ERBB4: variants seen among roughly 807,000 people sequenced by gnomAD.
The protein encoded by ERBB4 is erb-b2 receptor tyrosine kinase 4, also known as receptor tyrosine-protein kinase erbB-4.
ERBB4 carries 42 observed loss-of-function variants against 158.0 expected under a neutral mutation model. The ratio of observed to expected loss-of-function variants is 0.27; its 90% CI spans 0.21 to 0.34. The LOEUF (loss-of-function observed/expected upper bound fraction) is 0.34, where lower values mean the gene tolerates loss of function less well. Ranked by LOEUF, ERBB4 falls within the 10% of genes least tolerant of loss-of-function variation. The pLI, the probability that ERBB4 is intolerant of heterozygous loss-of-function variation, is 1.00. For missense variants in ERBB4, 1,333 were observed against 1,624.1 expected, an observed-to-expected ratio of 0.82 and a Z score of 3.08; for synonymous variants, 583 against 558.7, an observed-to-expected ratio of 1.04 and a Z score of -0.61.
intron 20 of ERBB4, among the ~76,000 whole-genome samples, chr2:211,503,802 C>G (rs889311603): frequency 6.6e-6 from 1 of 152,066 alleles, no homozygotes; most frequent in African/African-American, 2.4e-5. Flanking sequence ...GAGGTGCTTC[C>G]TCCTCTGCCT....
intron 3 of ERBB4, among the ~76,000 whole-genome samples, chr2:211,822,896 G>C (rs988031231): frequency 2.6e-5 from 4 of 151,938 alleles, no homozygotes; most frequent in Non-Finnish European, 4.4e-5. Flanking sequence ...CCAGGGGAGT[G>C]GCAGAAATGA....
intron 1 of ERBB4, among the ~76,000 whole-genome samples, chr2:212,384,894 T>TAC (rs1204819470): frequency 2.0e-5 from 2 of 100,310 alleles, no homozygotes; most frequent in African/African-American, 7.3e-5. Context: ...TTGTGGAATA[T>TAC]ATATATATAT....
chr2:211,962,284 C>T (rs1255708586), intron 2 of ERBB4, among the ~76,000 whole-genome samples: 1 of 152,064 alleles, frequency 6.6e-6, no homozygotes, highest in Non-Finnish European at 1.5e-5. Flanking sequence ...AATCAGAAAC[C>T]AAACAATTTC....
chr2:212,323,307 G>A (rs565097231), intron 1 of ERBB4, among the ~76,000 whole-genome samples: 11 of 150,556 alleles, frequency 7.3e-5, no homozygotes, highest in East Asian at 3.9e-4. Context: ...TCTAAGCTCA[G>A]TTGCTTTTGA....
chr2:211,435,874 T>A (rs1290715862), intron 20 of ERBB4, among the ~76,000 whole-genome samples: 1 of 152,230 alleles, frequency 6.6e-6, no homozygotes, highest in African/African-American at 2.4e-5. Flanking sequence ...TCTACATTTT[T>A]AAGCCTATCT....
At chr2:211,971,978 C>G (rs1047999340) in intron 2 of ERBB4, among the ~76,000 whole-genome samples, 1 of 152,166 alleles carries the variant, frequency 6.6e-6, no homozygotes, top group Non-Finnish European at 1.5e-5. Context: ...CAAACTACCC[C>G]TGTTTGTGGA....
At chr2:211,678,617 C>A (rs1388076356) in intron 13 of ERBB4, among the ~76,000 whole-genome samples, 1 of 152,102 alleles carries the variant, frequency 6.6e-6, no homozygotes, top group Non-Finnish European at 1.5e-5. Context: ...CTTTATGCAA[C>A]AAGAGCTCTC....
chr2:212,111,481 C>A (rs1390550799), intron 2 of ERBB4, among the ~76,000 whole-genome samples: 1 of 152,170 alleles, frequency 6.6e-6, no homozygotes, highest in Non-Finnish European at 1.5e-5. Context: ...TAACATTTCA[C>A]AATTTTGTTG....
chr2:212,375,043 C>G (rs1399497822), intron 1 of ERBB4, among the ~76,000 whole-genome samples: 4 of 151,870 alleles, frequency 2.6e-5, no homozygotes, highest in Admixed American at 2.6e-4. Context: ...CAACATAAAC[C>G]TAACTATAGG....
intron 1 of ERBB4, among the ~76,000 whole-genome samples, chr2:212,473,212 A>AAATC (rs1689202585): frequency 1.3e-5 from 2 of 152,012 alleles, no homozygotes; most frequent in Admixed American, 1.3e-4. Context: ...TCTGTAGTTA[A>AAATC]AATCATTTCA....
chr2:212,066,802 A>G (rs902502115), intron 2 of ERBB4, among the ~76,000 whole-genome samples: 5 of 151,946 alleles, frequency 3.3e-5, no homozygotes, highest in African/African-American at 1.2e-4. Flanking sequence ...TTATGACTTT[A>G]AGGAGATTCA....
At chr2:212,375,543 A>G (rs2090290312) in intron 1 of ERBB4, among the ~76,000 whole-genome samples, 1 of 152,128 alleles carries the variant, frequency 6.6e-6, no homozygotes, top group Non-Finnish European at 1.5e-5. Flanking sequence ...CATATCTGAG[A>G]GTGTAAATGT....
intron 1 of ERBB4, among the ~76,000 whole-genome samples, chr2:212,385,216 C>T (rs2106422470): frequency 6.6e-6 from 1 of 151,760 alleles, no homozygotes; most frequent in South Asian, 2.1e-4. Context: ...AGATTTACTT[C>T]AGCATGTTGA....
At chr2:211,741,612 T>G (rs916552500) in intron 5 of ERBB4, among the ~76,000 whole-genome samples, 1 of 152,072 alleles carries the variant, frequency 6.6e-6, no homozygotes, top group Non-Finnish European at 1.5e-5. Flanking sequence ...TAATATTCTT[T>G]TTGATCATTT....
intron 9 of ERBB4, among the ~76,000 whole-genome samples, chr2:211,711,769 T>C (rs111412273): frequency 1.5e-3 from 228 of 152,308 alleles, no homozygotes; most frequent in African/African-American, 5.2e-3. Context: ...AAGTCAAGCT[T>C]GCTGAAAACT....
At chr2:211,938,649 T>C (rs2125115285) in intron 3 of ERBB4, among the ~76,000 whole-genome samples, 1 of 152,188 alleles carries the variant, frequency 6.6e-6, no homozygotes, top group East Asian at 1.9e-4. Flanking sequence ...CAGTGCAGCT[T>C]TTGAGAAGAA....
At chr2:211,966,197 GA>G (rs1323010448) in intron 2 of ERBB4, among the ~76,000 whole-genome samples, 1 of 152,166 alleles carries the variant, frequency 6.6e-6, no homozygotes, top group Non-Finnish European at 1.5e-5. Context: ...TTGGGCAACA[GA>G]GTGAGACCCT....
intron 4 of ERBB4, among the ~76,000 whole-genome samples, chr2:211,765,116 T>G (rs1000217215): frequency 1.3e-5 from 2 of 152,188 alleles, no homozygotes; most frequent in Non-Finnish European, 2.9e-5. Context: ...TATTTTAATC[T>G]ATTATTCCAA....
intron 3 of ERBB4, among the ~76,000 whole-genome samples, chr2:211,901,273 A>G (rs1010458679): frequency 3.3e-5 from 5 of 152,114 alleles, no homozygotes; most frequent in African/African-American, 4.8e-5. Context: ...CTGTAATGGC[A>G]TTTGCTCTCT....
Sources: gnomAD v4.1 joint callset for allele counts (sites outside exome capture counted in the v4.1 genomes callset) on GRCh38, gnomAD v4.1.1 for gene constraint, MANE v1.5 for transcripts, NCBI Gene and HGNC (gene_info 2026-07-23, HGNC 2026-07-21) for gene names.